Variants in PDZD2 observed in about 807,000 individuals in gnomAD.
PDZD2 encodes PDZ domain containing 2.
A neutral mutation model predicts 220.7 loss-of-function variants in PDZD2; 90 were observed. That is an observed-to-expected ratio of 0.41 (90% CI 0.34 to 0.49). The LOEUF (loss-of-function observed/expected upper bound fraction) is 0.49, where lower values mean the gene tolerates loss of function less well. PDZD2 is among the 20% of genes least tolerant of loss of function. PDZD2 has a pLI of 0.28. For synonymous variants in PDZD2, 1,375 were observed against 1,450.5 expected (o/e 0.95, Z 1.18); for missense variants, 3,174 against 3,608.5 (o/e 0.88, Z 3.08).
chr5:32,073,842 G>T lies in PDZD2; in HGVS notation c.2736G>T (p.Glu912Asp). 6.2e-7 allele frequency: 1 copy of T among 1,607,068 alleles called. No homozygotes were observed. The highest frequency in any genetic ancestry group is 1.7e-5 in the Admixed American group (1 of 58,410). ...SLPPSTSTHK[E>D]PGKPRANSLV... Reference sequence around the variant, plus strand: ...CCCCACCTCCACCAGCTCACAAGGAGCCTGGAAAACCCAGAGCCAACAGCC... The same window carrying T: ...CCCCACCTCCACCAGCTCACAAGGATCCTGGAAAACCCAGAGCCAACAGCC... The change falls in exon 18 of 25, where the codon GAG becomes GAT. Residue 912 changes from glutamate (E) to aspartate (D), a missense_variant. By Grantham distance (45) the Glu-to-Asp change is conservative. This residue lies in a region of PDZD2 where 1,861 missense variants were observed against 2,001.0 expected (regional missense o/e 0.93). Transcript: ENST00000438447.
At chr5:31,849,446 C>T (rs1475979238) in intron 2 of PDZD2, among the ~76,000 whole-genome samples, 1 of 152,056 alleles carries the variant, frequency 6.6e-6, no homozygotes, top group Non-Finnish European at 1.5e-5. Context: ...ATAGTAAGAG[C>T]TTAATAAGTC....
chr5:32,072,346 G>C (rs778408578), intron 17 of PDZD2, 29 bp downstream of exon 17: 1 of 1,575,238 alleles, frequency 6.3e-7, no homozygotes, highest in Non-Finnish European at 8.7e-7. Flanking sequence ...GAGGGCCTGG[G>C]CTCTGCATTC....
intron 2 of PDZD2, chr5:31,855,059 G>A: frequency 2.0e-6 from 2 of 985,308 alleles, no homozygotes; most frequent in Non-Finnish European, 2.4e-6. Context: ...GCTGCCCCGG[G>A]GGCGCGGAGA....
At chr5:32,014,532 C>T (rs1028941061) in intron 6 of PDZD2, among the ~76,000 whole-genome samples, 5 of 151,938 alleles carry the variant, frequency 3.3e-5, no homozygotes, top group Non-Finnish European at 7.4e-5. Flanking sequence ...CAGGGCTCGC[C>T]GTCTGCCACG....
At chr5:31,803,976 G>A (rs147493230) in intron 2 of PDZD2, among the ~76,000 whole-genome samples, 178 of 151,494 alleles carry the variant, frequency 1.2e-3, no homozygotes, top group Non-Finnish European at 1.5e-3. Context: ...GAGGTCGATC[G>A]AGGCTGCAGT....
intron 2 of PDZD2, among the ~76,000 whole-genome samples, chr5:31,924,229 C>G (rs1744541400): frequency 6.6e-6 from 1 of 152,198 alleles, no homozygotes; most frequent in African/African-American, 2.4e-5. Context: ...TGAACCCAAA[C>G]CCACTTGGCT....
At chr5:31,886,950 C>T (rs893215153) in intron 2 of PDZD2, among the ~76,000 whole-genome samples, 9 of 152,158 alleles carry the variant, frequency 5.9e-5, no homozygotes, top group African/African-American at 1.9e-4. Context: ...CCGCCTGCCT[C>T]GGCCTCCTGA....
chr5:31,723,807 G>A (rs562930756), intron 1 of PDZD2, among the ~76,000 whole-genome samples: 76 of 151,974 alleles, frequency 5.0e-4, no homozygotes, highest in South Asian at 1.0e-3. Context: ...TAGTAGAGAC[G>A]GGGTTTCACC....
chr5:31,932,143 G>A (rs1363867275), intron 2 of PDZD2, among the ~76,000 whole-genome samples: 1 of 152,188 alleles, frequency 6.6e-6, no homozygotes, highest in African/African-American at 2.4e-5. Context: ...GGAAATGTTA[G>A]TGCTTCCTGT....
At chr5:31,804,706 C>A (rs1246432656) in intron 2 of PDZD2, among the ~76,000 whole-genome samples, 2 of 134,130 alleles carry the variant, frequency 1.5e-5, no homozygotes, top group African/African-American at 5.2e-5. Context: ...ACCTCAACTT[C>A]TGCACCAGAT....
At chr5:31,740,524 C>CAAAAAAAAAAAAAAAAAAAA (rs58965956) in intron 1 of PDZD2, among the ~76,000 whole-genome samples, 5 of 60,096 alleles carry the variant, frequency 8.3e-5, no homozygotes, top group East Asian at 8.0e-4. Flanking sequence ...GACTCCGTCT[C>CAAAAAAAAAAAAAAAAAAAA]AAAAAAAAAA....
intron 4 of PDZD2, among the ~76,000 whole-genome samples, chr5:31,996,086 G>A (rs929385087): frequency 2.0e-5 from 3 of 152,120 alleles, no homozygotes; most frequent in African/African-American, 7.2e-5. Flanking sequence ...CTTAACTCCC[G>A]TAAGACTTGA....
At chr5:32,025,253 C>T (rs1045062543) in intron 6 of PDZD2, among the ~76,000 whole-genome samples, 25 of 152,190 alleles carry the variant, frequency 1.6e-4, no homozygotes, top group African/African-American at 4.8e-4. Flanking sequence ...TGGCCGGGTG[C>T]GGTGGCTCAC....
chr5:31,849,933 C>T (rs369275136), intron 2 of PDZD2, among the ~76,000 whole-genome samples: 12 of 12,468 alleles, frequency 9.6e-4, no homozygotes, highest in Middle Eastern at 0.071. Flanking sequence ...TATATATATA[C>T]ACATATATAT....
chr5:31,745,179 A>G (rs1750520637), intron 1 of PDZD2, among the ~76,000 whole-genome samples: 1 of 152,196 alleles, frequency 6.6e-6, no homozygotes, highest in South Asian at 2.1e-4. Flanking sequence ...TTTAATGTTT[A>G]GTTTTTAAGC....
At chr5:32,008,611 T>A (rs1753042208) in intron 5 of PDZD2, among the ~76,000 whole-genome samples, 1 of 152,130 alleles carries the variant, frequency 6.6e-6, no homozygotes, top group African/African-American at 2.4e-5. Context: ...AATGAGCATA[T>A]GCTAGGGAAA....
rs1484528672 is a variant in PDZD2 at position 32,109,388 on chromosome 5, C to T, written c.*1253C>T. ...TCCTACAGAAGACTGTCGTGACTCA[C>T]GCTACTTGGGAAACTCACTCTGGCC... On this transcript the variant is annotated 3_prime_UTR_variant, in exon 25 of 25. Transcript: ENST00000438447. 1 of 152,204 alleles carries T rather than the reference C, an allele frequency of 6.6e-6. No homozygotes were observed. Among genetic ancestry groups the T allele is most frequent in the Non-Finnish European group, 1.5e-5 (1 of 68,046 alleles). 9.4% of individuals were successfully genotyped at this position (152,204 alleles called of 1,614,324 possible).
chr5:31,658,507 T>A (rs887076964), intron 1 of PDZD2, among the ~76,000 whole-genome samples: 1 of 152,204 alleles, frequency 6.6e-6, no homozygotes, highest in African/African-American at 2.4e-5. Context: ...CCTCTCTGTG[T>A]CTGTGTTTCC....
chr5:32,076,868 A>C (rs932942141), intron 18 of PDZD2, among the ~76,000 whole-genome samples: 6 of 152,232 alleles, frequency 3.9e-5, no homozygotes, highest in Non-Finnish European at 8.8e-5. Context: ...GCTGAAAGAC[A>C]TATTATCCCT....
Sources: gnomAD v4.1 joint callset for allele counts (sites outside exome capture counted in the v4.1 genomes callset) on GRCh38, gnomAD v4.1.1 for gene constraint, gnomAD v4.1.1 regional missense constraint, MANE v1.5 for transcripts, NCBI Gene and HGNC (gene_info 2026-07-23, HGNC 2026-07-21) for gene names.